DCDC2: variants seen among roughly 807,000 people sequenced by gnomAD.
The protein encoded by DCDC2 is doublecortin domain-containing protein 2.
In DCDC2, 40 loss-of-function variants were observed where a neutral mutation model predicts 50.2. The observed-to-expected ratio is 0.80, with a 90% confidence interval of 0.62 to 1.04. The LOEUF (loss-of-function observed/expected upper bound fraction) is 1.04. Among genes scored for constraint, DCDC2 ranks in the 50% least tolerant of loss-of-function variants. The pLI is 0.00. For missense variants in DCDC2, 570 were observed against 581.9 expected (o/e 0.98, Z 0.21); for synonymous variants, 234 against 210.6 (o/e 1.11, Z -0.96).
At chr6:24,255,386 A>G (rs899300365) in intron 7 of DCDC2, among the ~76,000 whole-genome samples, 1 of 152,074 alleles carries the variant, frequency 6.6e-6, no homozygotes, top group African/African-American at 2.4e-5. Flanking sequence ...AAAAAAAGGA[A>G]AACAAGCTTC....
intron 4 of DCDC2, among the ~76,000 whole-genome samples, chr6:24,293,327 C>T (rs895284487): frequency 6.6e-6 from 1 of 152,124 alleles, no homozygotes; most frequent in Admixed American, 6.5e-5. Context: ...ACATAAAAAG[C>T]AAGTTCAGTA....
chr6:24,176,813 T>C (rs1760924040), intron 9 of DCDC2, among the ~76,000 whole-genome samples: 1 of 152,226 alleles, frequency 6.6e-6, no homozygotes, highest in African/African-American at 2.4e-5. Context: ...CTTCTACTTC[T>C]ATGAGTTTAA....
In DCDC2 at chr6:24,205,267, T is replaced by A. The variant is rs747018295; in HGVS notation, c.923-165A>T. On this transcript the variant is annotated intron_variant, in intron 7 of 9. Transcript: ENST00000378454. ...CCTCCGACCACCACACCACCCCCAGTTGTTCCACATTTTCATTGAGAAAAC... is the reference window on the plus strand; with the variant it reads ...CCTCCGACCACCACACCACCCCCAGATGTTCCACATTTTCATTGAGAAAAC... The A allele has an allele frequency of 3.2e-6, 5 of 1,558,370 alleles. No homozygotes were observed. In the South Asian group the frequency reaches 3.5e-5, roughly 11 times the overall value.
intron 5 of DCDC2, 106 bp downstream of exon 5, chr6:24,290,826 T>C (rs771536974): frequency 7.4e-5 from 74 of 993,392 alleles, no homozygotes; most frequent in Middle Eastern, 4.3e-4. Context: ...TTCTAAGTAA[T>C]AAATAAGATT....
At chr6:24,238,186 G>GAA (rs1762495025) in intron 7 of DCDC2, among the ~76,000 whole-genome samples, 4 of 72,310 alleles carry the variant, frequency 5.5e-5, no homozygotes, top group Non-Finnish European at 1.2e-4. Context: ...GGGAGGGGAG[G>GAA]GGGAGGGGAG....
intron 7 of DCDC2, 32 bp downstream of exon 7, chr6:24,278,017 T>C: frequency 6.5e-7 from 1 of 1,537,074 alleles, no homozygotes; most frequent in Non-Finnish European, 8.9e-7. Context: ...TAAAATTGTA[T>C]CACAGCCTTA....
chr6:24,299,762 T>G (rs2065658059), intron 4 of DCDC2, among the ~76,000 whole-genome samples: 4 of 151,774 alleles, frequency 2.6e-5, no homozygotes, highest in African/African-American at 9.7e-5. Flanking sequence ...AAAAAAAATT[T>G]TTTTTAATTA....
At position 24,278,340 on chromosome 6, in the gene DCDC2, C is replaced by A. The variant is rs1334377575; in HGVS notation, c.760-129G>T. 12 of 739,566 alleles carry A rather than the reference C, an allele frequency of 1.6e-5. No homozygotes were observed. In the Admixed American group the frequency reaches 3.6e-4, roughly 22 times the overall value. 45.8% of individuals were successfully genotyped at this position (739,566 alleles called of 1,614,324 possible). ...GAGGTGTATTGTCCTGGTTCTGCAA[C>A]TGTCTATCTTTATACATTAACTCCA... On this transcript the variant is annotated intron_variant, in intron 6 of 9. Transcript: ENST00000378454.
intron 2 of DCDC2, among the ~76,000 whole-genome samples, chr6:24,340,683 C>T (rs1489245274): frequency 1.3e-5 from 2 of 151,960 alleles, no homozygotes; most frequent in Non-Finnish European, 2.9e-5. Context: ...ATATAATTAA[C>T]AAAATGCAAC....
At chr6:24,315,515 T>C (rs10806987) in intron 2 of DCDC2, among the ~76,000 whole-genome samples, 70,734 of 152,054 alleles carry the variant, frequency 0.47, 19,991 homozygotes, top group Non-Finnish European at 0.6. Flanking sequence ...CTATCAGTCA[T>C]CTACTGTGTG....
chr6:24,173,068 G>A lies in DCDC2; in HGVS notation c.*1662C>T, dbSNP rs960620767. 6.6e-6 allele frequency: 1 copy of A among 151,288 alleles called. No individual in the cohort carries two copies. Among genetic ancestry groups the A allele is most frequent in the Non-Finnish European group, 1.5e-5 (1 of 67,824 alleles). The allele number at this position is 151,288 out of a possible 1,614,324, so 9.4% of individuals were successfully genotyped here. On this transcript the variant is annotated 3_prime_UTR_variant, in exon 10 of 10. Transcript: ENST00000378454. ...TACCAACCCAAGATTGTTGCTTATA[G>A]CCCACAGTGCTTTATATCATCCCAT...
intron 7 of DCDC2, 100 bp from the exon 8 acceptor site, chr6:24,205,202 G>A (rs1761686212): frequency 2.5e-6 from 4 of 1,613,526 alleles, no homozygotes; most frequent in Middle Eastern, 1.6e-4. Flanking sequence ...ATAGACATTT[G>A]GATTCCCTTT....
At chr6:24,254,293 T>C (rs1477028931) in intron 7 of DCDC2, among the ~76,000 whole-genome samples, 1 of 152,180 alleles carries the variant, frequency 6.6e-6, no homozygotes, top group Non-Finnish European at 1.5e-5. Context: ...AATAAAAATA[T>C]AGCATAGTAA....
At chr6:24,207,289 A>T (rs199721761) in intron 7 of DCDC2, among the ~76,000 whole-genome samples, 9,507 of 112,020 alleles carry the variant, frequency 0.085, 510 homozygotes, top group East Asian at 0.42. Flanking sequence ...TCTCTCTCTC[A>T]GACACACACA....
rs1760506234 is a variant in DCDC2 at position 24,357,788 on chromosome 6, G to T, written c.-38C>A. On this transcript the variant is annotated 5_prime_UTR_variant, in exon 1 of 10. Transcript: ENST00000378454. ...CCGCCGCCTCAGCTCGCTGCTTCGC[G>T]TCGGGAGGCACCTCCGCTGTCCCAG... 6.2e-7 allele frequency: 1 copy of T among 1,611,742 alleles called. No individual in the cohort carries two copies. The highest frequency in any genetic ancestry group is 1.7e-5 in the Admixed American group (1 of 59,928).
At chr6:24,250,825 C>T (rs563541913) in intron 7 of DCDC2, among the ~76,000 whole-genome samples, 272 of 151,926 alleles carry the variant, frequency 1.8e-3, no homozygotes, top group African/African-American at 6.3e-3. Context: ...CATGATGATG[C>T]AAAATTATGG....
the DCDC2 span, among the ~76,000 whole-genome samples, chr6:24,381,033 G>A: frequency 1.3e-5 from 2 of 150,610 alleles, no homozygotes; most frequent in African/African-American, 4.9e-5. Flanking sequence ...AGCGAGCCAT[G>A]ATCACACCAC....
At chr6:24,205,788 T>C (rs1181515968) in intron 7 of DCDC2, among the ~76,000 whole-genome samples, 1 of 152,178 alleles carries the variant, frequency 6.6e-6, no homozygotes, top group Non-Finnish European at 1.5e-5. Flanking sequence ...TGAAGTAGTT[T>C]TAATGTCTCC....
chr6:24,229,951 C>A (rs1250601296), intron 7 of DCDC2, among the ~76,000 whole-genome samples: 3 of 152,094 alleles, frequency 2.0e-5, no homozygotes, highest in African/African-American at 7.2e-5. Flanking sequence ...TCCTTCTGAC[C>A]CACCCAGCCT....
Sources: gnomAD v4.1 joint callset for allele counts (sites outside exome capture counted in the v4.1 genomes callset) on GRCh38, gnomAD v4.1.1 for gene constraint, MANE v1.5 for transcripts, NCBI Gene and HGNC (gene_info 2026-07-23, HGNC 2026-07-21) for gene names.